The following DACH1 variants were observed in gnomAD, a reference collection of about 807,000 sequenced individuals.
The protein encoded by DACH1 is dachshund family transcription factor 1.
A neutral mutation model predicts 54.2 loss-of-function variants in DACH1; 12 were observed. That is an observed-to-expected ratio of 0.22 (90% confidence interval 0.14 to 0.36). The LOEUF (loss-of-function observed/expected upper bound fraction) is 0.36. Among genes scored for constraint, DACH1 ranks in the 10% least tolerant of loss-of-function variants. The pLI, the probability that DACH1 is intolerant of heterozygous loss-of-function variation, is 1.00. For synonymous variants in DACH1, 386 were observed against 366.2 expected (o/e 1.05, Z -0.62); for missense variants, 805 against 929.8 (o/e 0.87, Z 1.75).
chr13:71,840,065 G>A (rs1002795776), intron 1 of DACH1, among the ~76,000 whole-genome samples: 1 of 152,078 alleles, frequency 6.6e-6, no homozygotes, highest in South Asian at 2.1e-4. Context: ...TCATGCTTTG[G>A]CCTCCCAAGT....
Position 71,472,452 on chromosome 13 carries a change from C to T in DACH1, c.2083+2689G>A, listed in dbSNP as rs117086645. On this transcript the variant is annotated intron_variant, in intron 10 of 10. Coordinates refer to ENST00000613252, the MANE Select transcript of DACH1 (RefSeq NM_080759.6). Reference sequence around the variant, plus strand: ...CACTCAAGCAGTAAGTATTTAAGTGCCCAACTTCTAGGTGACTAACTCTTG... The same window carrying T: ...CACTCAAGCAGTAAGTATTTAAGTGTCCAACTTCTAGGTGACTAACTCTTG... 5.3e-3 allele frequency among the ~76,000 whole-genome samples: 806 copies of T among 152,204 alleles called. 9 individuals carry two copies. Among genetic ancestry groups the T allele is most frequent in the Middle Eastern group, 0.01 (3 of 294 alleles).
intron 1 of DACH1, among the ~76,000 whole-genome samples, chr13:71,823,552 A>G (rs1037095281): frequency 6.6e-6 from 1 of 152,062 alleles, no homozygotes; most frequent in Non-Finnish European, 1.5e-5. Flanking sequence ...TGGATGTTAA[A>G]CCTGTATCTA....
intron 1 of DACH1, among the ~76,000 whole-genome samples, chr13:71,698,612 T>G (rs903767462): frequency 9.9e-5 from 15 of 152,132 alleles, no homozygotes; most frequent in Admixed American, 3.3e-4. Context: ...CGGTGTATAC[T>G]AGACTGAAAT....
intron 1 of DACH1, among the ~76,000 whole-genome samples, chr13:71,698,244 G>A (rs1045130693): frequency 2.0e-5 from 3 of 151,704 alleles, no homozygotes; most frequent in Admixed American, 2.0e-4. Flanking sequence ...ATAATAAATG[G>A]CAAATGCATA....
chr13:71,516,118 G>C (rs754321927), intron 6 of DACH1, among the ~76,000 whole-genome samples: 29 of 151,766 alleles, frequency 1.9e-4, no homozygotes, highest in Non-Finnish European at 3.5e-4. Flanking sequence ...CATTCCAGTG[G>C]ACCAAGAGAG....
intron 3 of DACH1, among the ~76,000 whole-genome samples, chr13:71,603,916 A>G (rs1874692656): frequency 6.6e-6 from 1 of 151,852 alleles, no homozygotes; most frequent in African/African-American, 2.4e-5. Context: ...GTATTTTCAA[A>G]AGGGAATGTC....
chr13:71,688,043 C>T (rs1287022531), intron 1 of DACH1, among the ~76,000 whole-genome samples: 3 of 152,162 alleles, frequency 2.0e-5, no homozygotes, highest in Non-Finnish European at 2.9e-5. Flanking sequence ...TATAATTAAC[C>T]ACATATAATT....
At chr13:71,811,064 A>C (rs984053374) in intron 1 of DACH1, among the ~76,000 whole-genome samples, 1 of 152,114 alleles carries the variant, frequency 6.6e-6, no homozygotes, top group Non-Finnish European at 1.5e-5. Flanking sequence ...GAAATAGTTC[A>C]CTTCCCTTCC....
chr13:71,655,593 A>G (rs944866835), intron 2 of DACH1, among the ~76,000 whole-genome samples: 1 of 151,498 alleles, frequency 6.6e-6, no homozygotes, highest in Non-Finnish European at 1.5e-5. Context: ...CTGGTCTCGA[A>G]CTCCCGACCT....
intron 1 of DACH1, among the ~76,000 whole-genome samples, chr13:71,717,191 G>T (rs1464174391): frequency 4.6e-5 from 7 of 151,928 alleles, no homozygotes; most frequent in African/African-American, 1.7e-4. Context: ...ACACAATTTT[G>T]TGTGCTACAA....
At chr13:71,550,665 C>G (rs1180432569) in intron 6 of DACH1, among the ~76,000 whole-genome samples, 1 of 151,974 alleles carries the variant, frequency 6.6e-6, no homozygotes, top group Admixed American at 6.6e-5. Flanking sequence ...CATAAAATAA[C>G]AAAACCAGTG....
chr13:71,566,253 T>C (rs894537662), intron 4 of DACH1, among the ~76,000 whole-genome samples: 1 of 152,194 alleles, frequency 6.6e-6, no homozygotes, highest in Non-Finnish European at 1.5e-5. Context: ...TTGAGTTTCC[T>C]GCATAGTTAC....
At chr13:71,474,579 C>A (rs1877353375) in intron 10 of DACH1, among the ~76,000 whole-genome samples, 1 of 152,060 alleles carries the variant, frequency 6.6e-6, no homozygotes, top group Non-Finnish European at 1.5e-5. Flanking sequence ...TAATACAACT[C>A]CCTTTGGTAT....
At chr13:71,614,305 C>G (rs1287500335) in intron 3 of DACH1, among the ~76,000 whole-genome samples, 1 of 152,084 alleles carries the variant, frequency 6.6e-6, no homozygotes, top group African/African-American at 2.4e-5. Flanking sequence ...GACCTGCTTT[C>G]ATACACATTA....
intron 1 of DACH1, among the ~76,000 whole-genome samples, chr13:71,852,304 A>G (rs529277025): frequency 6.6e-6 from 1 of 151,944 alleles, no homozygotes; most frequent in South Asian, 2.1e-4. Flanking sequence ...GAGTGTAATC[A>G]ATGAGGGAGA....
chr13:71,804,976 C>T (rs952058704), intron 1 of DACH1, among the ~76,000 whole-genome samples: 1 of 152,118 alleles, frequency 6.6e-6, no homozygotes, highest in Admixed American at 6.6e-5. Context: ...TGGATCTTCA[C>T]TGTGCAATAC....
chr13:71,633,601 G>GACACAC (rs76720343), intron 2 of DACH1, among the ~76,000 whole-genome samples: 12,482 of 149,548 alleles, frequency 0.083, 1,446 homozygotes, highest in African/African-American at 0.26. Context: ...GTGTGTCACT[G>GACACAC]ACACACACAC....
intron 6 of DACH1, among the ~76,000 whole-genome samples, chr13:71,535,224 T>C (rs1882688774): frequency 6.6e-6 from 1 of 151,842 alleles, no homozygotes; most frequent in Non-Finnish European, 1.5e-5. Flanking sequence ...AGGTTTGGTA[T>C]TAGAAAAACC....
At chr13:71,506,064 AC>A (rs1319845195) in intron 6 of DACH1, among the ~76,000 whole-genome samples, 3 of 152,170 alleles carry the variant, frequency 2.0e-5, no homozygotes, top group Admixed American at 1.3e-4. Flanking sequence ...TTAAATAAAT[AC>A]AACTAAAATG....
Sources: allele counts gnomAD v4.1 joint callset (sites outside exome capture counted in the v4.1 genomes callset), GRCh38; gene constraint gnomAD v4.1.1; transcripts MANE v1.5; gene names NCBI Gene and HGNC (gene_info 2026-07-23, HGNC 2026-07-21).